DEPDC1B: variants seen among roughly 807,000 people sequenced by gnomAD.
DEPDC1B encodes DEP domain containing 1B.
Under a neutral mutation model 66.5 loss-of-function variants are expected in DEPDC1B, and 51 were observed. That is an observed-to-expected ratio of 0.77 (90% CI 0.61 to 0.97). The LOEUF (loss-of-function observed/expected upper bound fraction) is 0.97, where lower values mean the gene tolerates loss of function less well. Among genes scored for constraint, DEPDC1B ranks in the 50% least tolerant of loss-of-function variants. The probability of loss-of-function intolerance (pLI) is 0.00; values close to 1 mark genes in which losing one functional copy is unlikely to be tolerated. For missense variants in DEPDC1B, 552 were observed against 637.1 expected (o/e 0.87, Z 1.44); for synonymous variants, 226 against 223.6 (o/e 1.01, Z -0.10).
At chr5:60,677,326 A>ACACACACACACACACACACT in intron 2 of DEPDC1B, among the ~76,000 whole-genome samples, 1 of 108,528 alleles carries the variant, frequency 9.2e-6, no homozygotes, top group African/African-American at 4.0e-5. Flanking sequence ...ACACACACAC[A>ACACACACACACACACACACT]CTCTCTCTCT....
intron 7 of DEPDC1B, among the ~76,000 whole-genome samples, chr5:60,609,827 T>C (rs1430352735): frequency 6.6e-6 from 1 of 152,176 alleles, no homozygotes; most frequent in Non-Finnish European, 1.5e-5. Flanking sequence ...CAAAACCTAT[T>C]ATTTTGACAT....
At chr5:60,622,285 T>C (rs1752722621) in intron 7 of DEPDC1B, among the ~76,000 whole-genome samples, 1 of 152,176 alleles carries the variant, frequency 6.6e-6, no homozygotes, top group African/African-American at 2.4e-5. Flanking sequence ...TCTGCCTCCA[T>C]AGATTCCCCT....
At position 60,619,927 on chromosome 5, in the gene DEPDC1B, G is replaced by A. The variant is rs911021478; in HGVS notation, c.899-14071C>T. On this transcript the variant is annotated intron_variant, in intron 7 of 10. Coordinates refer to ENST00000265036, the MANE Select transcript of DEPDC1B (RefSeq NM_018369.3). The stretch of plus-strand genomic sequence containing the variant: ...ACAGTCACCAAAACAGCATGGTACT[G>A]GTACCAAAACAGAGATATAGACCAA... 2.3e-4 allele frequency among the ~76,000 whole-genome samples: 35 copies of A among 152,218 alleles called. 1 individual carries two copies. The highest frequency in any genetic ancestry group is 8.3e-4 in the South Asian group (4 of 4,812).
chr5:60,695,830 G>A (rs925304276), intron 1 of DEPDC1B, among the ~76,000 whole-genome samples: 13 of 152,100 alleles, frequency 8.5e-5, no homozygotes, highest in Non-Finnish European at 1.3e-4. Context: ...ACAGAGTCTC[G>A]CTCTGGTGCC....
At chr5:60,621,318 T>A (rs910283509) in intron 7 of DEPDC1B, among the ~76,000 whole-genome samples, 49 of 148,050 alleles carry the variant, frequency 3.3e-4, no homozygotes, top group African/African-American at 1.1e-3. Context: ...ATAATAAAAA[T>A]AAAAATAAAA....
intron 2 of DEPDC1B, among the ~76,000 whole-genome samples, chr5:60,685,223 A>G (rs1754386482): frequency 6.6e-6 from 1 of 152,146 alleles, no homozygotes; most frequent in Admixed American, 6.5e-5. Flanking sequence ...CCGGCTGTAC[A>G]CTCATTAGCT....
intron 7 of DEPDC1B, among the ~76,000 whole-genome samples, chr5:60,618,066 A>G (rs1207355888): frequency 2.6e-5 from 4 of 152,258 alleles, no homozygotes; most frequent in Admixed American, 6.5e-5. Context: ...TGAAGGCAGA[A>G]ATAAAGATAT....
intron 2 of DEPDC1B, among the ~76,000 whole-genome samples, chr5:60,672,708 T>C (rs552323797): frequency 6.6e-5 from 10 of 152,322 alleles, no homozygotes; most frequent in Middle Eastern, 3.4e-3. Flanking sequence ...TCTTACTTTG[T>C]AGATGAGGTC....
intron 6 of DEPDC1B, among the ~76,000 whole-genome samples, chr5:60,639,195 T>C (rs1304093942): frequency 2.0e-5 from 3 of 152,206 alleles, no homozygotes; most frequent in Non-Finnish European, 2.9e-5. Flanking sequence ...AAAAACATTC[T>C]TCTGAAAGGC....
chr5:60,632,361 G>C (rs1752945455), intron 7 of DEPDC1B, among the ~76,000 whole-genome samples: 2 of 152,196 alleles, frequency 1.3e-5, no homozygotes. Flanking sequence ...AGGCACGCTG[G>C]GGAAAGGCGG....
At chr5:60,629,353 G>A (rs1173206041) in intron 7 of DEPDC1B, among the ~76,000 whole-genome samples, 2 of 152,280 alleles carry the variant, frequency 1.3e-5, no homozygotes, top group African/African-American at 2.4e-5. Flanking sequence ...TTCTTAAAAT[G>A]TATATTCAGT....
intron 2 of DEPDC1B, among the ~76,000 whole-genome samples, chr5:60,658,398 T>C (rs1454732129): frequency 1.3e-5 from 2 of 152,230 alleles, no homozygotes; most frequent in African/African-American, 4.8e-5. Flanking sequence ...AGAATTGTTT[T>C]TCTGCTTCCT....
rs575993671 is a variant in DEPDC1B at position 60,615,263 on chromosome 5, C to T, written c.899-9407G>A. 1.6e-4 allele frequency among the ~76,000 whole-genome samples: 24 copies of T among 152,120 alleles called. No individual in the cohort carries two copies. In the South Asian group the frequency reaches 1.7e-3, roughly 11 times the overall value. On this transcript the variant is annotated intron_variant, in intron 7 of 10. Transcript: ENST00000265036. Reference sequence around the variant, plus strand: ...ATTTCTGCATTTCCAACTGACATAACGGGTTCATCTCACTGGGGAGTGTCG... The same window carrying T: ...ATTTCTGCATTTCCAACTGACATAATGGGTTCATCTCACTGGGGAGTGTCG...
intron 2 of DEPDC1B, among the ~76,000 whole-genome samples, chr5:60,666,595 T>G (rs1338018594): frequency 6.6e-6 from 1 of 152,186 alleles, no homozygotes; most frequent in South Asian, 2.1e-4. Flanking sequence ...GGGGAGTGTC[T>G]GCCAAGATTC....
At chr5:60,602,284 A>T (rs1324215586) in intron 9 of DEPDC1B, among the ~76,000 whole-genome samples, 1 of 152,170 alleles carries the variant, frequency 6.6e-6, no homozygotes, top group Non-Finnish European at 1.5e-5. Flanking sequence ...ACTGACTATG[A>T]ACATTTTAGT....
chr5:60,647,615 T>C (rs1753351284), intron 2 of DEPDC1B, 82 bp from the exon 3 acceptor site: 4 of 1,466,006 alleles, frequency 2.7e-6, no homozygotes, highest in Admixed American at 2.5e-5. Flanking sequence ...CTTTGGTGTA[T>C]CTGAAAATTT....
chr5:60,645,729 G>T, intron 3 of DEPDC1B, 110 bp from the exon 4 acceptor site: 1 of 1,164,466 alleles, frequency 8.6e-7, no homozygotes, highest in African/African-American at 1.6e-5. Context: ...TCTTTGATTT[G>T]GTTACTTGTA....
chr5:60,645,337 T>C (rs1753286785), intron 4 of DEPDC1B, among the ~76,000 whole-genome samples, 155 bp downstream of exon 4: 1 of 152,182 alleles, frequency 6.6e-6, no homozygotes. Context: ...ATCCCCAGAA[T>C]TCAGTTAAAC....
Position 60,647,374 on chromosome 5 carries a change from C to T in DEPDC1B, c.450+24G>A, listed in dbSNP as rs762537986. On this transcript the variant is annotated intron_variant, in intron 3 of 10. Coordinates refer to ENST00000265036, the MANE Select transcript of DEPDC1B (RefSeq NM_018369.3). ...ATGATTCTCCCTGCTGCCAGCCCTT[C>T]CATCTTTCAGTCATGGCACTTACCA... 2.3e-5 allele frequency: 37 copies of T among 1,575,102 alleles called. No individual in the cohort carries two copies. In the South Asian group the frequency reaches 4.4e-4, roughly 19 times the overall value.
Sources: gnomAD v4.1 joint callset for allele counts (sites outside exome capture counted in the v4.1 genomes callset) on GRCh38, gnomAD v4.1.1 for gene constraint, MANE v1.5 for transcripts, NCBI Gene and HGNC (gene_info 2026-07-23, HGNC 2026-07-21) for gene names.